Variants in VPS8 observed in about 807,000 individuals in gnomAD.
VPS8 encodes vacuolar protein sorting-associated protein 8 homolog.
VPS8 carries 129 observed loss-of-function variants against 216.4 expected under a neutral mutation model. The observed-to-expected ratio is 0.60, with a 90% CI of 0.52 to 0.69. VPS8 has a LOEUF of 0.69. VPS8 is among the 30% of genes least tolerant of loss of function. The pLI is 0.00. For synonymous variants in VPS8, 571 were observed against 565.4 expected, an observed-to-expected ratio of 1.01 and a Z score of -0.14; for missense variants, 1,531 against 1,683.5, an observed-to-expected ratio of 0.91 and a Z score of 1.59.
At chr3:185,035,512 T>A (rs1758760142) in intron 46 of VPS8, among the ~76,000 whole-genome samples, 1 of 152,176 alleles carries the variant, frequency 6.6e-6, no homozygotes, top group South Asian at 2.1e-4. Context: ...AAAAACAATA[T>A]GATCATCTCT....
chr3:184,821,523 A>G (rs1439531991), intron 1 of VPS8, among the ~76,000 whole-genome samples: 1 of 150,330 alleles, frequency 6.7e-6, no homozygotes, highest in African/African-American at 2.4e-5. Context: ...TTTTTTTTGT[A>G]TTTTAGTAGA....
intron 8 of VPS8, among the ~76,000 whole-genome samples, chr3:184,844,600 A>G (rs1722780080): frequency 6.6e-6 from 1 of 152,296 alleles, no homozygotes; most frequent in South Asian, 2.1e-4. Flanking sequence ...GAAAGAGTTA[A>G]CAGAAATTCT....
intron 5 of VPS8, among the ~76,000 whole-genome samples, chr3:184,835,507 G>A (rs1298832836): frequency 6.6e-6 from 1 of 152,034 alleles, no homozygotes; most frequent in Non-Finnish European, 1.5e-5. Context: ...GACACTATCA[G>A]ACTTTTCTTT....
intron 21 of VPS8, among the ~76,000 whole-genome samples, chr3:184,874,795 T>TA (rs1360435283): frequency 7.9e-5 from 12 of 151,872 alleles, no homozygotes; most frequent in Non-Finnish European, 1.6e-4. Context: ...AAACAACAGT[T>TA]AAAAAAAATA....
chr3:184,872,327 C>T (rs1578003591), intron 21 of VPS8, among the ~76,000 whole-genome samples: 1 of 151,764 alleles, frequency 6.6e-6, no homozygotes, highest in African/African-American at 2.4e-5. Context: ...TGGGGGAAAA[C>T]GTGGTAGAGA....
chr3:184,963,164 TCTC>T (rs2109539433), intron 37 of VPS8, among the ~76,000 whole-genome samples: 1 of 152,228 alleles, frequency 6.6e-6, no homozygotes, highest in South Asian at 2.1e-4. Context: ...GTGTCCTACA[TCTC>T]CTAGTATTCC....
At chr3:185,048,724 T>C (rs1435952859) in intron 47 of VPS8, among the ~76,000 whole-genome samples, 165 bp downstream of exon 47, 1 of 152,110 alleles carries the variant, frequency 6.6e-6, no homozygotes, top group Non-Finnish European at 1.5e-5. Context: ...CAAGGAGCAC[T>C]CAGAGCTTGG....
Position 184,869,531 on chromosome 3 carries a change from G to A in VPS8, c.1644+3G>A, listed in dbSNP as rs1727962497. Reference sequence around the variant, plus strand: ...GAAAGGCTATTGTTGCAGACCGGGTGAGTATTTTAAGAGGGTCTTTACTAG... The same window carrying A: ...GAAAGGCTATTGTTGCAGACCGGGTAAGTATTTTAAGAGGGTCTTTACTAG... On this transcript the variant is annotated splice_donor_region_variant and intron_variant, in intron 20 of 47. Transcript: ENST00000625842. 3 of 1,613,110 alleles carry A rather than the reference G, an allele frequency of 1.9e-6. No individual in the cohort carries two copies. Among genetic ancestry groups the A allele is most frequent in the Admixed American group, 1.7e-5 (1 of 59,958 alleles).
chr3:185,012,589 G>T (rs759831865), intron 45 of VPS8, among the ~76,000 whole-genome samples: 1 of 151,474 alleles, frequency 6.6e-6, no homozygotes, highest in Non-Finnish European at 1.5e-5. Context: ...TAGTCAAACT[G>T]TTGAAACCAA....
chr3:185,036,073 A>G (rs1758835856), intron 46 of VPS8, among the ~76,000 whole-genome samples: 1 of 152,200 alleles, frequency 6.6e-6, no homozygotes, highest in Non-Finnish European at 1.5e-5. Context: ...GATATCTTCT[A>G]CAAGGAGAAC....
intron 16 of VPS8, among the ~76,000 whole-genome samples, chr3:184,864,502 G>T (rs1260791009): frequency 6.6e-6 from 1 of 152,146 alleles, no homozygotes; most frequent in Non-Finnish European, 1.5e-5. Context: ...GACCAGGGAA[G>T]AGCCATTTGA....
rs1386083916 is a variant in VPS8, at chr3:184,839,765, G to A, written c.535+13G>A. The stretch of plus-strand genomic sequence containing the variant: ...GCTTTAATATTTGGTAAATTTTTAA[G>A]TGCTTTCCTGCTTTTAAATATTAAG... On this transcript the variant is annotated intron_variant, in intron 7 of 47. Coordinates refer to ENST00000625842, the MANE Select transcript of VPS8 (RefSeq NM_001009921.3). 1.3e-6 allele frequency: 2 copies of A among 1,586,196 alleles called. No individual in the cohort carries two copies. Among genetic ancestry groups the A allele is most frequent in the South Asian group, 2.3e-5 (2 of 87,126 alleles).
chr3:184,955,589 G>A (rs1745451270), intron 36 of VPS8, among the ~76,000 whole-genome samples: 1 of 151,966 alleles, frequency 6.6e-6, no homozygotes, highest in Admixed American at 6.6e-5. Context: ...CCCGGGCCCA[G>A]CTATTGTCTC....
chr3:184,930,418 A>G, intron 33 of VPS8, 52 bp from the exon 34 acceptor site: 8 of 1,346,928 alleles, frequency 5.9e-6, no homozygotes, highest in Admixed American at 1.7e-5. Context: ...GTTGGTAGGG[A>G]CTAAATCTTG....
intron 1 of VPS8, among the ~76,000 whole-genome samples, chr3:184,818,891 G>T (rs1193114080): frequency 6.6e-6 from 1 of 152,114 alleles, no homozygotes; most frequent in African/African-American, 2.4e-5. Context: ...GAAAAGCCAG[G>T]CATGGTGGCA....
intron 46 of VPS8, among the ~76,000 whole-genome samples, chr3:185,040,886 T>C (rs569347522): frequency 6.6e-6 from 1 of 152,162 alleles, no homozygotes; most frequent in East Asian, 1.9e-4. Context: ...CTTTAAGCCA[T>C]TGATAAAATA....
Position 184,863,077 on chromosome 3 carries a change from A to G in VPS8, c.1395+10A>G. On this transcript the variant is annotated intron_variant, in intron 16 of 47. Coordinates refer to ENST00000625842, the MANE Select transcript of VPS8 (RefSeq NM_001009921.3). ...TGTTAGCCAGGCACTGGTAAGGATA[A>G]TCACTTATCTTGCTATCCTAGAAAA... 2 of 1,611,744 alleles carry G rather than the reference A, an allele frequency of 1.2e-6. No individual in the cohort carries two copies. The highest frequency in any genetic ancestry group is 1.7e-4 in the Middle Eastern group (1 of 6,038).
intron 46 of VPS8, among the ~76,000 whole-genome samples, chr3:185,044,680 C>T (rs1026055683): frequency 2.0e-5 from 3 of 152,098 alleles, no homozygotes; most frequent in African/African-American, 4.8e-5. Context: ...TAGAACTGCT[C>T]ATTCTAGGGT....
chr3:185,039,375 G>A (rs554429800), intron 46 of VPS8, among the ~76,000 whole-genome samples: 2 of 152,096 alleles, frequency 1.3e-5, no homozygotes, highest in South Asian at 2.1e-4. Flanking sequence ...CAAGCAGCAC[G>A]TACCAGCATC....
Sources: allele counts gnomAD v4.1 joint callset (sites outside exome capture counted in the v4.1 genomes callset), GRCh38; gene constraint gnomAD v4.1.1; transcripts MANE v1.5; gene names NCBI Gene and HGNC (gene_info 2026-07-23, HGNC 2026-07-21).